SLC24A2: variants seen among roughly 807,000 people sequenced by gnomAD.
The protein encoded by SLC24A2 is solute carrier family 24 member 2, also known as sodium/potassium/calcium exchanger 2.
SLC24A2 carries 36 observed loss-of-function variants against 62.0 expected under a neutral mutation model. That is an observed-to-expected ratio of 0.58 (90% CI 0.44 to 0.77). SLC24A2 has a LOEUF of 0.77. SLC24A2 is among the 30% of genes least tolerant of loss of function. SLC24A2 has a pLI of 0.00. For missense variants in SLC24A2, 846 were observed against 817.9 expected, an observed-to-expected ratio of 1.03 and a Z score of -0.42; for synonymous variants, 358 against 294.0, an observed-to-expected ratio of 1.22 and a Z score of -2.23.
intron 8 of SLC24A2, among the ~76,000 whole-genome samples, chr9:19,536,093 C>G (rs1833957789): frequency 6.7e-6 from 1 of 149,596 alleles, no homozygotes; most frequent in African/African-American, 2.5e-5. Context: ...ATTTTATTCT[C>G]TTTGTAGCAG....
chr9:19,883,706 C>T, the SLC24A2 span, among the ~76,000 whole-genome samples: 5 of 152,072 alleles, frequency 3.3e-5, no homozygotes, highest in African/African-American at 1.2e-4. Context: ...GCTGGGACTA[C>T]AGGTGCCCGC....
the SLC24A2 span, among the ~76,000 whole-genome samples, chr9:20,081,487 G>A: frequency 8.6e-6 from 1 of 115,786 alleles, no homozygotes; most frequent in Non-Finnish European, 1.7e-5. Context: ...GAGGGGTGGG[G>A]GGAGGGGGGG....
At chr9:20,272,728 G>A in the SLC24A2 span, among the ~76,000 whole-genome samples, 7 of 152,288 alleles carry the variant, frequency 4.6e-5, no homozygotes, top group African/African-American at 1.7e-4. Context: ...GGCATCTCTT[G>A]TTCCAGTCAA....
the SLC24A2 span, among the ~76,000 whole-genome samples, chr9:19,925,416 T>C: frequency 1.3e-5 from 2 of 152,218 alleles, no homozygotes; most frequent in African/African-American, 2.4e-5. Context: ...TTGGCATAGG[T>C]AAGCACAATT....
the SLC24A2 span, among the ~76,000 whole-genome samples, chr9:20,288,423 G>A: frequency 1.3e-5 from 2 of 152,060 alleles, no homozygotes; most frequent in Admixed American, 1.3e-4. Context: ...GGGGGTGCGG[G>A]AGGTGGGGTA....
At chr9:19,896,887 A>T in the SLC24A2 span, among the ~76,000 whole-genome samples, 1 of 152,342 alleles carries the variant, frequency 6.6e-6, no homozygotes, top group East Asian at 1.9e-4. Context: ...ATGTCTTGTT[A>T]TGCATGTCAT....
the SLC24A2 span, among the ~76,000 whole-genome samples, chr9:20,189,451 C>G: frequency 1.3e-5 from 2 of 152,148 alleles, no homozygotes; most frequent in Non-Finnish European, 2.9e-5. Context: ...AAATCAATAC[C>G]TTCCCATAAG....
At chr9:19,817,167 C>T in the SLC24A2 span, among the ~76,000 whole-genome samples, 1 of 151,894 alleles carries the variant, frequency 6.6e-6, no homozygotes, top group African/African-American at 2.4e-5. Flanking sequence ...CAAAATGCAC[C>T]AGGAGGGGCA....
the SLC24A2 span, among the ~76,000 whole-genome samples, chr9:20,129,132 T>C: frequency 6.6e-6 from 1 of 152,148 alleles, no homozygotes; most frequent in Non-Finnish European, 1.5e-5. Flanking sequence ...GCAAAGGACA[T>C]GAGTAGACAT....
chr9:19,840,496 T>A, the SLC24A2 span, among the ~76,000 whole-genome samples: 1 of 152,342 alleles, frequency 6.6e-6, no homozygotes, highest in East Asian at 1.9e-4. Context: ...CTAATCTCTT[T>A]TATGACTTGA....
the SLC24A2 span, among the ~76,000 whole-genome samples, chr9:20,212,013 A>C: frequency 0.14 from 20,747 of 151,986 alleles, 1,699 homozygotes; most frequent in African/African-American, 0.22. Flanking sequence ...AAAGAAAATA[A>C]TTAATATATC....
the SLC24A2 span, among the ~76,000 whole-genome samples, chr9:19,987,932 C>A: frequency 6.6e-6 from 1 of 152,130 alleles, no homozygotes; most frequent in Non-Finnish European, 1.5e-5. Flanking sequence ...GCCCTATAAG[C>A]TTAAAACTTG....
chr9:20,169,072 T>C, the SLC24A2 span, among the ~76,000 whole-genome samples: 1 of 151,912 alleles, frequency 6.6e-6, no homozygotes, highest in Admixed American at 6.6e-5. Flanking sequence ...GCATTGAAAA[T>C]ATAGTATAAG....
the SLC24A2 span, among the ~76,000 whole-genome samples, chr9:20,045,493 A>G: frequency 2.0e-5 from 3 of 152,080 alleles, no homozygotes. Context: ...GTGCGGTGGC[A>G]CAATCTTGGC....
chr9:19,745,223 C>A (rs1403683931), intron 2 of SLC24A2, among the ~76,000 whole-genome samples: 1 of 152,134 alleles, frequency 6.6e-6, no homozygotes, highest in Non-Finnish European at 1.5e-5. Flanking sequence ...TCCTGAGGCC[C>A]TTCCCAGAAG....
rs1287742537 is a variant in SLC24A2 at position 19,668,213 on chromosome 9, A to G, written c.931-45914T>C. 2.6e-5 allele frequency among the ~76,000 whole-genome samples: 4 copies of G among 152,176 alleles called. No individual in the cohort carries two copies. In the East Asian group the frequency reaches 7.7e-4, roughly 29 times the overall value. The stretch of plus-strand genomic sequence containing the variant: ...ATCTTCCACTACTCTACATCCCCCA[A>G]TATATTTTATTTTGCGATCCCACCA... On this transcript the variant is annotated intron_variant, in intron 2 of 10. Transcript: ENST00000341998.
chr9:20,026,527 A>G, the SLC24A2 span, among the ~76,000 whole-genome samples: 7 of 152,218 alleles, frequency 4.6e-5, no homozygotes, highest in Non-Finnish European at 8.8e-5. Context: ...GCCCCAGTTA[A>G]TGGCATCATT....
At chr9:19,996,096 G>A in the SLC24A2 span, among the ~76,000 whole-genome samples, 6 of 152,236 alleles carry the variant, frequency 3.9e-5, no homozygotes, top group Non-Finnish European at 7.3e-5. Flanking sequence ...AACTGTGCAT[G>A]CATGAACTAT....
chr9:19,948,669 C>A, the SLC24A2 span, among the ~76,000 whole-genome samples: 1 of 151,444 alleles, frequency 6.6e-6, no homozygotes, highest in African/African-American at 2.4e-5. Flanking sequence ...CACGGTGAAA[C>A]CCCGTCTCTA....
Sources: gnomAD v4.1 joint callset for allele counts (sites outside exome capture counted in the v4.1 genomes callset) on GRCh38, gnomAD v4.1.1 for gene constraint, MANE v1.5 for transcripts, NCBI Gene and HGNC (gene_info 2026-07-23, HGNC 2026-07-21) for gene names.